LDB1: variants seen among roughly 807,000 people sequenced by gnomAD.
LDB1 encodes LIM domain binding 1.
LDB1 carries 6 observed loss-of-function variants against 49.7 expected under a neutral mutation model. The observed-to-expected ratio is 0.12, with a 90% CI of 0.07 to 0.24. The LOEUF (loss-of-function observed/expected upper bound fraction) is 0.24. Among genes scored for constraint, LDB1 ranks in the 10% least tolerant of loss-of-function variants. LDB1 has a pLI of 1.00. For synonymous variants in LDB1, 233 were observed against 202.0 expected, an observed-to-expected ratio of 1.15 and a Z score of -1.30; for missense variants, 341 against 561.7, an observed-to-expected ratio of 0.61 and a Z score of 3.97.
intron 1 of LDB1, 121 bp from the exon 2 acceptor site, chr10:102,111,657 C>G: frequency 3.5e-6 from 2 of 569,306 alleles, no homozygotes; most frequent in Non-Finnish European, 6.2e-6. Context: ...CAGGGACCAG[C>G]CTAGGCAACA....
intron 1 of LDB1, among the ~76,000 whole-genome samples, chr10:102,119,222 G>C (rs550351659): frequency 1.3e-5 from 2 of 152,070 alleles, no homozygotes; most frequent in East Asian, 3.9e-4. Context: ...ACAGTGTGCC[G>C]TGAGGCCCTC....
At chr10:102,120,917 G>A (rs1466820871), upstream of LDB1, among the ~76,000 whole-genome samples, 3 of 152,154 alleles carry the variant, frequency 2.0e-5, no homozygotes, top group Non-Finnish European at 4.4e-5. Flanking sequence ...TCCCTGCTGA[G>A]ACGCCAGCCT....
downstream of LDB1, among the ~76,000 whole-genome samples, chr10:102,105,676 T>G (rs1343296925): frequency 6.6e-6 from 1 of 151,714 alleles, no homozygotes; most frequent in East Asian, 1.9e-4. Flanking sequence ...AGACCTCAGC[T>G]GCTGACCGGG....
At chr10:102,108,830 T>A in intron 10 of LDB1, 199 bp downstream of exon 10, 1 of 672,766 alleles carries the variant, frequency 1.5e-6, no homozygotes, top group Non-Finnish European at 2.6e-6. Context: ...TAGCTTCCTA[T>A]GGCTGAGTCT....
At chr10:102,103,166 A>G (rs1184904435), downstream of LDB1, among the ~76,000 whole-genome samples, 1 of 152,006 alleles carries the variant, frequency 6.6e-6, no homozygotes, top group African/African-American at 2.4e-5. Context: ...AGTAGCTGGG[A>G]CTTCAGGTGC....
At chr10:102,106,162 C>A (rs1305169255), downstream of LDB1, among the ~76,000 whole-genome samples, 2 of 152,000 alleles carry the variant, frequency 1.3e-5, no homozygotes, top group African/African-American at 4.8e-5. Context: ...ATCCCAGGAA[C>A]CTGCCCCAGG....
At chr10:102,121,276 T>C (rs893635691), upstream of LDB1, among the ~76,000 whole-genome samples, 7 of 151,976 alleles carry the variant, frequency 4.6e-5, no homozygotes, top group African/African-American at 1.7e-4. Flanking sequence ...CTTGGTGCCT[T>C]CACCTCCGTA....
Position 102,120,209 on chromosome 10 carries a change from G to T in LDB1, c.-99C>A, listed in dbSNP as rs2068399347. ...GCCGCCGCCGCCGCCCGCGGCCCCC[G>T]CTGCGCTCGCCGCCGGCCCGGCCCG... On this transcript the variant is annotated 5_prime_UTR_variant, in exon 1 of 11. Transcript: ENST00000673968. 5 of 1,015,818 alleles carry T rather than the reference G, an allele frequency of 4.9e-6. No individual in the cohort carries two copies. The highest frequency in any genetic ancestry group is 5.9e-6 in the Non-Finnish European group (5 of 850,240). 62.9% of individuals were successfully genotyped at this position (1,015,818 alleles called of 1,614,324 possible).
Position 102,109,823 on chromosome 10 carries a change from C to T in LDB1, c.648+98G>A, listed in dbSNP as rs1195570861. The stretch of plus-strand genomic sequence containing the variant: ...TGCTGTTCAGATGAAGAAACCCTAA[C>T]CCTCTGTCTAAGTAGTCAGTCGGGA... On this transcript the variant is annotated intron_variant, in intron 7 of 10. Coordinates refer to ENST00000673968, the MANE Select transcript of LDB1 (RefSeq NM_001113407.3). The surrounding 1 kb of genome is among the most constrained non-coding windows in gnomAD (Gnocchi z 5.8). The T allele has an allele frequency of 7.6e-6, 12 of 1,569,346 alleles. No homozygotes were observed. In the Admixed American group the frequency reaches 1.7e-4, roughly 22 times the overall value.
Position 102,112,571 on chromosome 10 carries a change from A to T in LDB1, c.26-1035T>A, listed in dbSNP as rs371494041. On this transcript the variant is annotated intron_variant, in intron 1 of 10. Transcript: ENST00000673968. ...AGTTGGGCCTTCTGCCTCCCCACTA[A>T]CGGCCACTCCCTTATCAGCCCAGCC... Among the ~76,000 whole-genome samples the T allele has an allele frequency of 2.7e-3, 407 of 152,052 alleles. 2 individuals carry two copies. The highest frequency in any genetic ancestry group is 4.0e-3 in the Non-Finnish European group (272 of 67,956).
At chr10:102,110,337 T>C in intron 6 of LDB1, 192 bp downstream of exon 6, 2 of 660,826 alleles carry the variant, frequency 3.0e-6, no homozygotes. Flanking sequence ...TCGTGTAGCC[T>C]TGGGGCCCAG....
intron 1 of LDB1, among the ~76,000 whole-genome samples, chr10:102,112,836 CCT>C (rs1205562967): frequency 1.3e-5 from 2 of 152,122 alleles, no homozygotes; most frequent in Non-Finnish European, 2.9e-5. Context: ...GTGCACATGT[CCT>C]CTCTCTCACC....
In LDB1 at chr10:102,114,584, T is replaced by A. The variant is rs533649263; in HGVS notation, c.26-3048A>T. 16 of 984,696 alleles carry A rather than the reference T, an allele frequency of 1.6e-5. No individual in the cohort carries two copies. The East Asian group carries it at 1.7e-3, about 106-fold the overall frequency. 61.0% of individuals were successfully genotyped at this position (984,696 alleles called of 1,614,324 possible). ...CGCACAAAGACTCGCACGCACTGCC[T>A]CGGCCCGCCCCGCGGCGGCCGCTGT... On this transcript the variant is annotated intron_variant, in intron 1 of 10. Transcript: ENST00000673968.
intron 1 of LDB1, among the ~76,000 whole-genome samples, chr10:102,119,306 C>T (rs558325799): frequency 2.6e-5 from 4 of 151,666 alleles, no homozygotes; most frequent in African/African-American, 7.3e-5. Flanking sequence ...CCGCCCCCCC[C>T]ACCTGCCCCC....
At chr10:102,114,866 G>A (rs1228730012) in intron 1 of LDB1, 2 of 982,558 alleles carry the variant, frequency 2.0e-6, no homozygotes, top group African/African-American at 1.8e-5. Context: ...ACCAGGAGAG[G>A]CAGGACCCGG....
chr10:102,109,665 A>G lies in LDB1; in HGVS notation c.667T>C (p.Leu223=), dbSNP rs141606958. The change falls in exon 8 of 11, where the codon TTG becomes CTG. Residue 223 remains leucine (L), a synonymous_variant. Coordinates refer to ENST00000673968, the MANE Select transcript of LDB1 (RefSeq NM_001113407.3). This position sits in a 1 kb window ranked among gnomAD's most constrained non-coding sequence, Gnocchi z 5.8. ...LAMHAQDPQM[L]DQLSKNITRC... is the part of the protein sequence containing the mutation. ...GTGATGTTTTTGGAGAGCTGATCCA[A>G]CATCTGGGGGTCTTGGGCCTAGAGT... is the stretch of plus-strand genomic sequence containing the variant. 5 of 1,613,982 alleles carry G rather than the reference A, an allele frequency of 3.1e-6. No individual in the cohort carries two copies. Among genetic ancestry groups the G allele is most frequent in the African/African-American group, 2.7e-5 (2 of 74,888 alleles).
chr10:102,107,379 C>A lies in LDB1; in HGVS notation c.*714G>T, dbSNP rs2133497151. 6.6e-6 allele frequency among the ~76,000 whole-genome samples: 1 copy of A among 152,058 alleles called. No homozygotes were observed. The highest frequency in any genetic ancestry group is 1.5e-5 in the Non-Finnish European group (1 of 67,976). ...CATGCTTTCCTCAACTGCAGTCACC[C>A]CAGAGGAAAGGGGGAGAGATGGTGA... On this transcript the variant is annotated 3_prime_UTR_variant, in exon 11 of 11. Transcript: ENST00000673968.
At chr10:102,120,862 C>T (rs1357213164), upstream of LDB1, among the ~76,000 whole-genome samples, 2 of 152,050 alleles carry the variant, frequency 1.3e-5, no homozygotes, top group African/African-American at 2.4e-5. Context: ...CCACCCCGGG[C>T]CGCGCTCCGG....
At chr10:102,112,122 G>A (rs2068265034) in intron 1 of LDB1, among the ~76,000 whole-genome samples, 1 of 152,196 alleles carries the variant, frequency 6.6e-6, no homozygotes, top group Non-Finnish European at 1.5e-5. Context: ...GACAGAAGAG[G>A]AATTGAAGCT....
Sources: gnomAD v4.1 joint callset for allele counts (sites outside exome capture counted in the v4.1 genomes callset) on GRCh38, gnomAD v4.1.1 for gene constraint, Gnocchi (gnomAD v3.1) non-coding constraint, MANE v1.5 for transcripts, NCBI Gene and HGNC (gene_info 2026-07-23, HGNC 2026-07-21) for gene names.